ASIC2: variants seen among roughly 807,000 people sequenced by gnomAD.
ASIC2 encodes acid sensing ion channel subunit 2.
Under a neutral mutation model 57.3 loss-of-function variants are expected in ASIC2, and 25 were observed. The observed-to-expected ratio is 0.44, with a 90% CI of 0.32 to 0.61. The LOEUF is 0.61. Among genes scored for constraint, ASIC2 ranks in the 20% least tolerant of loss-of-function variants. The probability of loss-of-function intolerance (pLI) is 0.06; values close to 1 mark genes in which losing one functional copy is unlikely to be tolerated. For missense variants in ASIC2, 641 were observed against 738.1 expected (o/e 0.87, Z 1.52); for synonymous variants, 319 against 307.5 (o/e 1.04, Z -0.39).
At chr17:33,797,744 G>A (rs1387589516) in intron 1 of ASIC2, among the ~76,000 whole-genome samples, 1 of 152,222 alleles carries the variant, frequency 6.6e-6, no homozygotes. Flanking sequence ...CAGACAGAAG[G>A]CTGTTTGGAG....
At chr17:33,236,184 G>A (rs760231556) in intron 1 of ASIC2, among the ~76,000 whole-genome samples, 2 of 152,000 alleles carry the variant, frequency 1.3e-5, no homozygotes, top group Non-Finnish European at 2.9e-5. Context: ...AGACTTCTGG[G>A]GATGTTAGTA....
At position 33,123,478 on chromosome 17, in the gene ASIC2, C is replaced by T. The variant is rs184580942; in HGVS notation, c.709-11411G>A. On this transcript the variant is annotated intron_variant, in intron 1 of 9. Transcript: ENST00000225823. ...CTCAGAGATAGTAGAATGGTGGTTG[C>T]CATTAAAAGCTTTTTTTTTAAACAG... Among the ~76,000 whole-genome samples the T allele has an allele frequency of 9.7e-4, 148 of 152,196 alleles. No individual in the cohort carries two copies. The Middle Eastern group carries it at 0.02, about 21-fold the overall frequency.
At chr17:33,365,617 G>T (rs964931282) in intron 1 of ASIC2, among the ~76,000 whole-genome samples, 2 of 151,956 alleles carry the variant, frequency 1.3e-5, no homozygotes, top group Non-Finnish European at 2.9e-5. Context: ...ATGTTCCTTG[G>T]CTTGAGTGTC....
At chr17:33,252,582 T>C (rs1210799175) in intron 1 of ASIC2, among the ~76,000 whole-genome samples, 1 of 152,054 alleles carries the variant, frequency 6.6e-6, no homozygotes, top group Non-Finnish European at 1.5e-5. Flanking sequence ...TGCCCAGCCC[T>C]GCGATGGGTG....
chr17:33,660,448 TTC>T (rs1356771965), intron 1 of ASIC2, among the ~76,000 whole-genome samples: 2 of 152,154 alleles, frequency 1.3e-5, no homozygotes, highest in Non-Finnish European at 2.9e-5. Context: ...ATAAGCTTTT[TTC>T]TGTTTTTAAA....
intron 1 of ASIC2, among the ~76,000 whole-genome samples, chr17:33,222,617 G>T (rs1447681038): frequency 6.6e-6 from 1 of 152,186 alleles, no homozygotes; most frequent in Non-Finnish European, 1.5e-5. Flanking sequence ...GCAATTGAGA[G>T]GATATTTGTC....
At chr17:33,675,069 G>C (rs1907775315) in intron 1 of ASIC2, among the ~76,000 whole-genome samples, 1 of 152,234 alleles carries the variant, frequency 6.6e-6, no homozygotes, top group African/African-American at 2.4e-5. Context: ...CCGCCTTCTG[G>C]TGTTGTGGAG....
intron 1 of ASIC2, chr17:33,688,818 G>T (rs1344693192): frequency 1.3e-5 from 2 of 152,180 alleles, no homozygotes; most frequent in Non-Finnish European, 2.9e-5. Flanking sequence ...TGAGATTCTG[G>T]AAGTCCCTCT....
intron 1 of ASIC2, among the ~76,000 whole-genome samples, chr17:33,554,358 ATGTGTG>A (rs71144888): frequency 0.12 from 17,787 of 150,200 alleles, 1,257 homozygotes; most frequent in South Asian, 0.29. Context: ...CACTGCTTAT[ATGTGTG>A]TGTGTGTGTG....
At chr17:33,932,741 A>AATATATATATAT (rs1330850946) in intron 1 of ASIC2, 126 of 58,564 alleles carry the variant, frequency 2.2e-3, no homozygotes, top group East Asian at 5.0e-3. Flanking sequence ...AAAAAAAAAA[A>AATATATATATAT]ATATATATAT....
chr17:33,425,847 A>G (rs1415864617), intron 1 of ASIC2, among the ~76,000 whole-genome samples: 3 of 152,100 alleles, frequency 2.0e-5, no homozygotes, highest in African/African-American at 7.2e-5. Flanking sequence ...TGTGTGGGTG[A>G]CTCCCAGGAT....
intron 1 of ASIC2, among the ~76,000 whole-genome samples, chr17:33,771,458 T>G (rs1911107883): frequency 6.6e-6 from 1 of 152,168 alleles, no homozygotes; most frequent in South Asian, 2.1e-4. Context: ...TCTTTCCATC[T>G]CCTCCTCTTC....
intron 1 of ASIC2, among the ~76,000 whole-genome samples, chr17:33,720,118 G>T (rs927064960): frequency 1.3e-5 from 2 of 152,138 alleles, no homozygotes; most frequent in African/African-American, 2.4e-5. Flanking sequence ...GGCCTCAAGG[G>T]ATCCTCCAAG....
chr17:34,046,295 G>A (rs1908333235), intron 1 of ASIC2, among the ~76,000 whole-genome samples: 1 of 152,184 alleles, frequency 6.6e-6, no homozygotes, highest in African/African-American at 2.4e-5. Flanking sequence ...CGAAGCAACA[G>A]ATAACCAAAA....
At chr17:34,018,359 G>A (rs1907040423) in intron 1 of ASIC2, among the ~76,000 whole-genome samples, 2 of 152,224 alleles carry the variant, frequency 1.3e-5, no homozygotes, top group African/African-American at 4.8e-5. Flanking sequence ...CATTGACAAT[G>A]CATCTGGTGA....
intron 3 of ASIC2, among the ~76,000 whole-genome samples, chr17:33,074,994 G>A (rs139583004): frequency 8.1e-4 from 123 of 152,254 alleles, no homozygotes; most frequent in African/African-American, 2.7e-3. Context: ...AAAGTCTTCC[G>A]CAGAGTGAGG....
intron 1 of ASIC2, among the ~76,000 whole-genome samples, chr17:34,034,844 T>TG (rs1482627134): frequency 6.6e-6 from 1 of 152,120 alleles, no homozygotes; most frequent in Non-Finnish European, 1.5e-5. Flanking sequence ...TACAAACCAC[T>TG]GCTCAATGAA....
chr17:33,740,583 A>G (rs997798427), intron 1 of ASIC2, among the ~76,000 whole-genome samples: 3 of 152,214 alleles, frequency 2.0e-5, no homozygotes, highest in Non-Finnish European at 4.4e-5. Flanking sequence ...GCTACAATTC[A>G]AGATGAGATT....
intron 1 of ASIC2, among the ~76,000 whole-genome samples, chr17:33,800,408 C>T (rs1486096972): frequency 1.3e-5 from 2 of 152,168 alleles, no homozygotes; most frequent in African/African-American, 2.4e-5. Context: ...CTTGCATACA[C>T]ACCTGCCTTT....
Sources: allele counts gnomAD v4.1 joint callset (sites outside exome capture counted in the v4.1 genomes callset), GRCh38; gene constraint gnomAD v4.1.1; transcripts MANE v1.5; gene names NCBI Gene and HGNC (gene_info 2026-07-23, HGNC 2026-07-21).